Variants in ADGRV1 observed in about 807,000 individuals in gnomAD.
ADGRV1 encodes the protein G-protein coupled receptor 98.
ADGRV1 carries 359 observed loss-of-function variants against 596.2 expected under a neutral mutation model. The observed-to-expected ratio is 0.60, with a 90% CI of 0.55 to 0.66. The LOEUF (loss-of-function observed/expected upper bound fraction) is 0.66, where lower values mean the gene tolerates loss of function less well. Among genes scored for constraint, ADGRV1 ranks in the 30% least tolerant of loss-of-function variants. The pLI is 0.00. For missense variants in ADGRV1, 7,274 were observed against 7,575.6 expected (o/e 0.96, Z 1.48); for synonymous variants, 2,681 against 2,679.2 (o/e 1.00, Z -0.02).
chr5:90,964,105 G>A (rs1275008537), intron 83 of ADGRV1, among the ~76,000 whole-genome samples: 3 of 151,956 alleles, frequency 2.0e-5, no homozygotes, highest in Admixed American at 1.3e-4. Context: ...AATTTTCAAG[G>A]GGAGTTGAGG....
At chr5:91,119,446 C>T (rs1420942715) in intron 87 of ADGRV1, among the ~76,000 whole-genome samples, 1 of 152,156 alleles carries the variant, frequency 6.6e-6, no homozygotes, top group Non-Finnish European at 1.5e-5. Context: ...CTTTGAAAAT[C>T]GTCCCTAATT....
In ADGRV1 at chr5:91,094,386, G is replaced by A. The variant is rs1790666303; in HGVS notation, c.18311-7833G>A. Among the ~76,000 whole-genome samples the A allele has an allele frequency of 2.0e-5, 3 of 151,622 alleles. No individual in the cohort carries two copies. The East Asian group carries it at 5.9e-4, about 30-fold the overall frequency. On this transcript the variant is annotated intron_variant, in intron 86 of 89. Coordinates refer to ENST00000405460, the MANE Select transcript of ADGRV1 (RefSeq NM_032119.4). ...AGGCAGGAGAATTGCTTGAACCCAGGAGGCAGATGTTGCAGTGAGCAAAGA... is the reference window on the plus strand; with the variant it reads ...AGGCAGGAGAATTGCTTGAACCCAGAAGGCAGATGTTGCAGTGAGCAAAGA...
At chr5:91,134,759 T>G (rs1346836019) in intron 87 of ADGRV1, among the ~76,000 whole-genome samples, 2 of 152,202 alleles carry the variant, frequency 1.3e-5, no homozygotes, top group Non-Finnish European at 2.9e-5. Context: ...TTATTTGTTC[T>G]AAAAATTACA....
At chr5:91,059,117 T>C (rs1011126995) in intron 85 of ADGRV1, among the ~76,000 whole-genome samples, 5 of 152,206 alleles carry the variant, frequency 3.3e-5, no homozygotes, top group African/African-American at 1.2e-4. Flanking sequence ...TAGACGACAG[T>C]GATCATGGTT....
At chr5:90,779,497 T>C (rs567970378) in intron 64 of ADGRV1, 1 of 155,048 alleles carries the variant, frequency 6.4e-6, no homozygotes, top group South Asian at 2.0e-4. Context: ...ATTTCTTTCA[T>C]TGGTGCATCT....
chr5:91,097,282 A>T (rs896027990), intron 86 of ADGRV1, among the ~76,000 whole-genome samples: 3 of 152,130 alleles, frequency 2.0e-5, no homozygotes, highest in Non-Finnish European at 2.9e-5. Context: ...GGCCTCTTTT[A>T]TAGGTGCACT....
chr5:91,163,061 AAAAG>A (rs1797087791), intron 89 of ADGRV1, among the ~76,000 whole-genome samples: 1 of 152,234 alleles, frequency 6.6e-6, no homozygotes, highest in African/African-American at 2.4e-5. Context: ...ATATGAAAGA[AAAAG>A]AAAAGAACAA....
intron 85 of ADGRV1, among the ~76,000 whole-genome samples, chr5:90,993,346 A>G (rs984449269): frequency 6.6e-6 from 1 of 151,360 alleles, no homozygotes; most frequent in African/African-American, 2.4e-5. Flanking sequence ...ATTAGTAGAG[A>G]CGGGGTTTCA....
chr5:90,662,187 CTTTTTTTTTT>C (rs5869513), intron 21 of ADGRV1, among the ~76,000 whole-genome samples: 1 of 130,868 alleles, frequency 7.6e-6, no homozygotes, highest in Non-Finnish European at 1.6e-5. Flanking sequence ...GGTTAAACAA[CTTTTTTTTTT>C]TTTTTTTTTT....
intron 86 of ADGRV1, among the ~76,000 whole-genome samples, chr5:91,086,199 T>C (rs889910325): frequency 6.6e-6 from 1 of 152,238 alleles, no homozygotes; most frequent in Non-Finnish European, 1.5e-5. Context: ...TTGCATTTTT[T>C]ATATCATAGT....
chr5:91,095,841 G>A (rs1790810954), intron 86 of ADGRV1, among the ~76,000 whole-genome samples: 1 of 151,866 alleles, frequency 6.6e-6, no homozygotes, highest in Non-Finnish European at 1.5e-5. Flanking sequence ...GGAATGCAAT[G>A]GTGCGATCTT....
chr5:90,681,265 A>C, intron 26 of ADGRV1, 50 bp from the exon 27 acceptor site: 1 of 1,588,488 alleles, frequency 6.3e-7, no homozygotes. Context: ...TGATTTGTAA[A>C]TTACTGATCA....
intron 83 of ADGRV1, among the ~76,000 whole-genome samples, chr5:90,964,399 A>G (rs1274307265): frequency 2.6e-5 from 4 of 152,144 alleles, no homozygotes; most frequent in African/African-American, 9.7e-5. Flanking sequence ...CTCTGAAAAT[A>G]CAGTCAAAAA....
At chr5:90,709,963 C>T (rs1032726422) in intron 39 of ADGRV1, among the ~76,000 whole-genome samples, 1 of 152,200 alleles carries the variant, frequency 6.6e-6, no homozygotes, top group Admixed American at 6.5e-5. Flanking sequence ...GATGAGGTAG[C>T]TTAGGCTAAG....
chr5:90,865,087 C>G (rs1767967743), intron 83 of ADGRV1, among the ~76,000 whole-genome samples: 1 of 152,070 alleles, frequency 6.6e-6, no homozygotes, highest in South Asian at 2.1e-4. Flanking sequence ...AATTCCATAA[C>G]TCTGTTTTTC....
At chr5:91,077,229 G>C (rs1788937913) in intron 86 of ADGRV1, among the ~76,000 whole-genome samples, 1 of 152,156 alleles carries the variant, frequency 6.6e-6, no homozygotes, top group Non-Finnish European at 1.5e-5. Context: ...TGGTAGACTA[G>C]GCCAAAACCA....
chr5:90,766,192 A>G (rs948826561), intron 59 of ADGRV1, among the ~76,000 whole-genome samples: 29 of 152,264 alleles, frequency 1.9e-4, no homozygotes, highest in African/African-American at 6.7e-4. Context: ...TACAGGCGTG[A>G]GCCACTGTGT....
At chr5:90,923,061 T>G (rs148753190) in intron 83 of ADGRV1, among the ~76,000 whole-genome samples, 1 of 152,330 alleles carries the variant, frequency 6.6e-6, no homozygotes, top group Non-Finnish European at 1.5e-5. Context: ...TTTTCAGCAC[T>G]AAACCCACCA....
At chr5:90,563,542 A>G (rs1755144331) in intron 1 of ADGRV1, among the ~76,000 whole-genome samples, 5 of 152,246 alleles carry the variant, frequency 3.3e-5, no homozygotes, top group African/African-American at 1.2e-4. Context: ...AATAGCTTCA[A>G]ATAAAATGCA....
Sources: gnomAD v4.1 joint callset for allele counts (sites outside exome capture counted in the v4.1 genomes callset) on GRCh38, gnomAD v4.1.1 for gene constraint, MANE v1.5 for transcripts, NCBI Gene and HGNC (gene_info 2026-07-23, HGNC 2026-07-21) for gene names.